Variants in ADGRB3 observed in about 807,000 individuals in gnomAD.
ADGRB3 encodes the protein brain-specific angiogenesis inhibitor 3.
A neutral mutation model predicts 193.4 loss-of-function variants in ADGRB3; 37 were observed. The observed-to-expected ratio is 0.19, with a 90% confidence interval of 0.15 to 0.25. The LOEUF (loss-of-function observed/expected upper bound fraction) is 0.25, where lower values mean the gene tolerates loss of function less well. Among genes scored for constraint, ADGRB3 ranks in the 10% least tolerant of loss-of-function variants. The pLI is 1.00. For synonymous variants in ADGRB3, 690 were observed against 644.2 expected (o/e 1.07, Z -1.08); for missense variants, 1,637 against 1,852.9 (o/e 0.88, Z 2.14).
intron 11 of ADGRB3, among the ~76,000 whole-genome samples, chr6:68,997,194 A>C (rs1296748942): frequency 6.6e-6 from 1 of 152,188 alleles, no homozygotes; most frequent in East Asian, 1.9e-4. Flanking sequence ...AAGTTTGGAT[A>C]TCTGGTTAGT....
chr6:69,016,871 AT>A (rs1562123085), intron 12 of ADGRB3, among the ~76,000 whole-genome samples: 1 of 151,920 alleles, frequency 6.6e-6, no homozygotes, highest in Admixed American at 6.6e-5. Context: ...ACACAAAAAA[AT>A]AAGCCTCTTA....
intron 30 of ADGRB3, 57 bp downstream of exon 30, chr6:69,372,498 T>C (rs1769728148): frequency 1.1e-6 from 1 of 942,460 alleles, no homozygotes; most frequent in Non-Finnish European, 1.5e-6. Flanking sequence ...AATAGATATA[T>C]AGTTACTTAA....
At chr6:68,966,533 G>C (rs528979892) in intron 8 of ADGRB3, among the ~76,000 whole-genome samples, 1 of 152,098 alleles carries the variant, frequency 6.6e-6, no homozygotes, top group Admixed American at 6.6e-5. Flanking sequence ...TTTCCCACAT[G>C]TGGTTCCCAG....
At chr6:68,714,329 C>A (rs1463622074) in intron 3 of ADGRB3, among the ~76,000 whole-genome samples, 4 of 151,568 alleles carry the variant, frequency 2.6e-5, no homozygotes, top group South Asian at 2.1e-4. Context: ...ATCAAAGAGA[C>A]CATATCCAAA....
intron 3 of ADGRB3, among the ~76,000 whole-genome samples, chr6:68,893,358 T>A (rs1202460294): frequency 3.3e-5 from 5 of 152,034 alleles, no homozygotes; most frequent in African/African-American, 7.2e-5. Flanking sequence ...AAATTGATGG[T>A]GCAATATTTT....
intron 28 of ADGRB3, among the ~76,000 whole-genome samples, chr6:69,358,210 T>C (rs1561998046): frequency 6.6e-6 from 1 of 151,920 alleles, no homozygotes; most frequent in Non-Finnish European, 1.5e-5. Context: ...ATCAGTGTTA[T>C]CATCACCTGA....
At chr6:69,332,501 C>T in intron 23 of ADGRB3, 1 of 985,392 alleles carries the variant, frequency 1.0e-6, no homozygotes, top group South Asian at 4.7e-5. Flanking sequence ...ATCATCAGCA[C>T]CTTTTGCTGC....
At chr6:69,271,750 A>G (rs900020306) in intron 20 of ADGRB3, among the ~76,000 whole-genome samples, 3 of 152,110 alleles carry the variant, frequency 2.0e-5, no homozygotes, top group African/African-American at 7.2e-5. Context: ...ACACACACAC[A>G]CAGACACACC....
intron 17 of ADGRB3, among the ~76,000 whole-genome samples, chr6:69,149,667 C>T (rs2343260): frequency 0.76 from 115,908 of 151,736 alleles, 45,733 homozygotes; most frequent in East Asian, 1. Context: ...CAGTCTTGGC[C>T]TGTTTCTGCC....
In ADGRB3 at chr6:69,337,331, A is replaced by G. The variant is rs1188045220; in HGVS notation, c.3189-1585A>G. Among the ~76,000 whole-genome samples the G allele has an allele frequency of 2.0e-5, 3 of 152,150 alleles. No individual in the cohort carries two copies. In the East Asian group the frequency reaches 5.8e-4, roughly 29 times the overall value. On this transcript the variant is annotated intron_variant, in intron 24 of 31. Coordinates refer to ENST00000370598, the MANE Select transcript of ADGRB3 (RefSeq NM_001704.3). ...TCATATTAATCTGATCAGATTTAAC[A>G]AGATTAAAGAAATGCAAATGTTTAG...
chr6:68,806,052 T>G (rs1767395059), intron 3 of ADGRB3, among the ~76,000 whole-genome samples: 1 of 152,210 alleles, frequency 6.6e-6, no homozygotes, highest in South Asian at 2.1e-4. Flanking sequence ...CAGCCAACAT[T>G]CTCCCTTTGT....
At chr6:68,819,951 C>A (rs763816923) in intron 3 of ADGRB3, among the ~76,000 whole-genome samples, 4 of 152,006 alleles carry the variant, frequency 2.6e-5, no homozygotes, top group Non-Finnish European at 4.4e-5. Flanking sequence ...ATAACCTTAT[C>A]ATTGGTTCCA....
chr6:68,698,070 G>A (rs866787198), intron 3 of ADGRB3, among the ~76,000 whole-genome samples: 9 of 151,736 alleles, frequency 5.9e-5, no homozygotes, highest in South Asian at 4.2e-4. Flanking sequence ...CTATATACAT[G>A]ATAGATATAG....
intron 17 of ADGRB3, among the ~76,000 whole-genome samples, chr6:69,100,574 G>A (rs1261006204): frequency 2.6e-5 from 4 of 151,954 alleles, no homozygotes; most frequent in Non-Finnish European, 4.4e-5. Flanking sequence ...TTGGCTGTAT[G>A]GGTCAATGGG....
chr6:69,355,902 T>A lies in ADGRB3; in HGVS notation c.3595+42T>A, dbSNP rs774483258. The A allele has an allele frequency of 2.7e-6, 4 of 1,455,982 alleles. No homozygotes were observed. In the Middle Eastern group the frequency reaches 5.3e-4, roughly 193 times the overall value. 90.2% of individuals were successfully genotyped at this position (1,455,982 alleles called of 1,614,324 possible). ...TTTGAAATCTAATCAGTAGGGATGTTCAATCATTTCTATAGATTTTAATTT... is the reference window on the plus strand; with the variant it reads ...TTTGAAATCTAATCAGTAGGGATGTACAATCATTTCTATAGATTTTAATTT... On this transcript the variant is annotated intron_variant, in intron 28 of 31. Transcript: ENST00000370598.
At chr6:69,070,282 T>A (rs1011651823) in intron 16 of ADGRB3, among the ~76,000 whole-genome samples, 1 of 152,144 alleles carries the variant, frequency 6.6e-6, no homozygotes, top group Non-Finnish European at 1.5e-5. Flanking sequence ...CATTCAAAAA[T>A]CTGAATAAAA....
At chr6:69,030,075 T>G (rs1437898326) in intron 13 of ADGRB3, among the ~76,000 whole-genome samples, 2 of 151,728 alleles carry the variant, frequency 1.3e-5, no homozygotes, top group African/African-American at 4.8e-5. Context: ...TACCATCCCA[T>G]GCCAGTTAGA....
chr6:69,219,496 T>TATATATAC (rs1313968114), intron 17 of ADGRB3, among the ~76,000 whole-genome samples: 1 of 135,344 alleles, frequency 7.4e-6, no homozygotes, highest in African/African-American at 2.7e-5. Context: ...TATATATACG[T>TATATATAC]GTGTGTGTAT....
chr6:68,945,838 A>G (rs1767761805), intron 6 of ADGRB3, among the ~76,000 whole-genome samples: 1 of 152,106 alleles, frequency 6.6e-6, no homozygotes, highest in African/African-American at 2.4e-5. Flanking sequence ...TTAAGTTGAT[A>G]TGGTTGTGGA....
Sources: gnomAD v4.1 joint callset for allele counts (sites outside exome capture counted in the v4.1 genomes callset) on GRCh38, gnomAD v4.1.1 for gene constraint, MANE v1.5 for transcripts, NCBI Gene and HGNC (gene_info 2026-07-23, HGNC 2026-07-21) for gene names.